Variants in ATXN10 observed in about 807,000 individuals in gnomAD.
ATXN10 encodes the protein ataxin 10.
ATXN10 carries 28 observed loss-of-function variants against 52.9 expected under a neutral mutation model. The ratio of observed to expected loss-of-function variants is 0.53; its 90% CI spans 0.39 to 0.73. The LOEUF (loss-of-function observed/expected upper bound fraction) is 0.73, where lower values mean the gene tolerates loss of function less well. ATXN10 is among the 30% of genes least tolerant of loss of function. The pLI is 0.00. For synonymous variants in ATXN10, 226 were observed against 221.5 expected, an observed-to-expected ratio of 1.02 and a Z score of -0.18; for missense variants, 565 against 577.0, an observed-to-expected ratio of 0.98 and a Z score of 0.21.
intron 9 of ATXN10, among the ~76,000 whole-genome samples, chr22:45,749,400 A>G (rs1925860063): frequency 6.6e-6 from 1 of 152,134 alleles, no homozygotes; most frequent in African/African-American, 2.4e-5. Flanking sequence ...ACAAAAGAAG[A>G]TGTTTGAGAC....
chr22:45,709,386 C>T (rs558030211), intron 5 of ATXN10, among the ~76,000 whole-genome samples: 99 of 152,306 alleles, frequency 6.5e-4, no homozygotes, highest in Non-Finnish European at 1.2e-3. Context: ...GGTTTATGCA[C>T]ATAAAGGGAT....
In ATXN10 at chr22:45,696,679, A is replaced by G. The variant is rs1470025769; in HGVS notation, c.391+3601A>G. Among the ~76,000 whole-genome samples the G allele has an allele frequency of 6.6e-6, 1 of 152,122 alleles. No individual in the cohort carries two copies. Among genetic ancestry groups the G allele is most frequent in the Non-Finnish European group, 1.5e-5 (1 of 68,008 alleles). ...TTTAAAAATATCTTCTTTTGACTCC[A>G]TGTCCCCGTCAGTCCAGTATCTCGT... is the stretch of plus-strand genomic sequence containing the variant. On this transcript the variant is annotated intron_variant, in intron 3 of 11. Coordinates refer to ENST00000252934, the MANE Select transcript of ATXN10 (RefSeq NM_013236.4). The surrounding 1 kb of genome is among the most constrained non-coding windows in gnomAD (Gnocchi z 4.7).
rs1421680445 is a variant in ATXN10, at chr22:45,828,445, A to G, written c.1238-14546A>G. Among the ~76,000 whole-genome samples, 3 of 152,138 alleles carry G rather than the reference A, an allele frequency of 2.0e-5. No homozygotes were observed. The highest frequency in any genetic ancestry group is 4.4e-5 in the Non-Finnish European group (3 of 68,012). ...ATAAAACAAACTAGAGAATAGAAAA[A>G]TAATAGAGAAAATTATGAAAACAGA... is the stretch of plus-strand genomic sequence containing the variant. On this transcript the variant is annotated intron_variant, in intron 10 of 11. Transcript: ENST00000252934. This position sits in a 1 kb window ranked among gnomAD's most constrained non-coding sequence, Gnocchi z 4.5.
chr22:45,828,334 A>G lies in ATXN10; in HGVS notation c.1238-14657A>G, dbSNP rs1928884287. Among the ~76,000 whole-genome samples the G allele has an allele frequency of 6.6e-6, 1 of 152,156 alleles. No homozygotes were observed. Among genetic ancestry groups the G allele is most frequent in the East Asian group, 1.9e-4 (1 of 5,204 alleles). ...TAGCTATAAATGCTTACATTAAAAA[A>G]TAAGAAAGTTCAAAGAACTAGATAA... is the stretch of plus-strand genomic sequence containing the variant. On this transcript the variant is annotated intron_variant, in intron 10 of 11. Transcript: ENST00000252934. This position sits in a 1 kb window ranked among gnomAD's most constrained non-coding sequence, Gnocchi z 4.5.
chr22:45,762,002 T>G lies in ATXN10; in HGVS notation c.1173+21464T>G, dbSNP rs183973613. On this transcript the variant is annotated intron_variant, in intron 9 of 11. Transcript: ENST00000252934. The surrounding 1 kb of genome is among the most constrained non-coding windows in gnomAD (Gnocchi z 4.3). ...ACCATATTCGCCTTTAAGAGCCTTC[T>G]GACTCCCAGGTTTTCTGATTTTTAA... Among the ~76,000 whole-genome samples the G allele has an allele frequency of 1.9e-3, 292 of 152,376 alleles. 2 individuals are homozygous for G. The highest frequency in any genetic ancestry group is 6.5e-3 in the African/African-American group (270 of 41,598).
In ATXN10 at chr22:45,823,311, T is replaced by C. The variant is rs1375002607; in HGVS notation, c.1237+16289T>C. On this transcript the variant is annotated intron_variant, in intron 10 of 11. Transcript: ENST00000252934. This position sits in a 1 kb window ranked among gnomAD's most constrained non-coding sequence, Gnocchi z 4.9. The stretch of plus-strand genomic sequence containing the variant: ...TCTTTCCTTCTATGTTTAGTGATTT[T>C]TGTGTCTCTGAGGTCTGAGGTCATA... The C allele has an allele frequency of 4.7e-6, 2 of 428,496 alleles. No individual in the cohort carries two copies. Among genetic ancestry groups the C allele is most frequent in the Non-Finnish European group, 9.6e-6 (2 of 209,108 alleles). 26.5% of individuals were successfully genotyped at this position (428,496 alleles called of 1,614,324 possible). A position where few individuals can be genotyped will look rare whatever the true frequency, so the allele number is the denominator to read the frequency against.
At chr22:45,838,453 A>G (rs1187295950) in intron 10 of ATXN10, among the ~76,000 whole-genome samples, 1 of 152,242 alleles carries the variant, frequency 6.6e-6, no homozygotes, top group Non-Finnish European at 1.5e-5. Flanking sequence ...TTTTGCAACA[A>G]ACAGGCTCAT....
intron 9 of ATXN10, among the ~76,000 whole-genome samples, chr22:45,753,587 A>G (rs1926070133): frequency 6.6e-6 from 1 of 151,448 alleles, no homozygotes. Context: ...TTGTATTTTT[A>G]GTAGAGATGC....
At chr22:45,796,811 T>G (rs1927757849) in intron 9 of ATXN10, among the ~76,000 whole-genome samples, 1 of 152,198 alleles carries the variant, frequency 6.6e-6, no homozygotes, top group African/African-American at 2.4e-5. Flanking sequence ...TACTGGATTT[T>G]GAAAGGCAAG....
chr22:45,779,411 C>G (rs891174995), intron 9 of ATXN10, among the ~76,000 whole-genome samples: 3 of 152,150 alleles, frequency 2.0e-5, no homozygotes, highest in African/African-American at 7.2e-5. Flanking sequence ...GACTATAATT[C>G]AGAAGACTAA....
At position 45,733,340 on chromosome 22, in the gene ATXN10, G is replaced by T. The variant is rs1209002972; in HGVS notation, c.894+3750G>T. On this transcript the variant is annotated intron_variant, in intron 7 of 11. Transcript: ENST00000252934. The surrounding 1 kb of genome is among the most constrained non-coding windows in gnomAD (Gnocchi z 4.4). Reference sequence around the variant, plus strand: ...TAATACATATTCTACAATAAATAGTGTATTTTTTCCACATATTAAGGGCTT... The same window carrying T: ...TAATACATATTCTACAATAAATAGTTTATTTTTTCCACATATTAAGGGCTT... 6.6e-6 allele frequency among the ~76,000 whole-genome samples: 1 copy of T among 152,126 alleles called. No homozygotes were observed. Among genetic ancestry groups the T allele is most frequent in the East Asian group, 1.9e-4 (1 of 5,190 alleles).
In ATXN10 at chr22:45,696,926, T is replaced by G. The variant is rs1923631326; in HGVS notation, c.392-3356T>G. Among the ~76,000 whole-genome samples the G allele has an allele frequency of 6.6e-6, 1 of 152,230 alleles. No homozygotes were observed. The highest frequency in any genetic ancestry group is 6.5e-5 in the Admixed American group (1 of 15,284). On this transcript the variant is annotated intron_variant, in intron 3 of 11. Coordinates refer to ENST00000252934, the MANE Select transcript of ATXN10 (RefSeq NM_013236.4). This position sits in a 1 kb window ranked among gnomAD's most constrained non-coding sequence, Gnocchi z 4.7. ...TGTTAGCTTGGCTATTCACTCATATTCACTAGGCAGAGAGGGCAGATTCTT... is the reference window on the plus strand; with the variant it reads ...TGTTAGCTTGGCTATTCACTCATATGCACTAGGCAGAGAGGGCAGATTCTT...
At chr22:45,709,132 A>G (rs1466471608) in intron 5 of ATXN10, among the ~76,000 whole-genome samples, 1 of 152,194 alleles carries the variant, frequency 6.6e-6, no homozygotes, top group Non-Finnish European at 1.5e-5. Flanking sequence ...AGGAAGATAA[A>G]CATAATTGTC....
intron 1 of ATXN10, chr22:45,675,744 T>A (rs1429147939): frequency 6.6e-6 from 1 of 152,242 alleles, no homozygotes; most frequent in Admixed American, 6.5e-5. Flanking sequence ...AATGCTAAAT[T>A]TTGGGCTAAT....
intron 9 of ATXN10, among the ~76,000 whole-genome samples, chr22:45,796,897 T>C (rs1173817858): frequency 6.6e-6 from 1 of 152,196 alleles, no homozygotes; most frequent in Non-Finnish European, 1.5e-5. Flanking sequence ...AAGAATGATA[T>C]ACCATGTAAA....
chr22:45,737,690 C>T (rs896143104), intron 7 of ATXN10, among the ~76,000 whole-genome samples: 3 of 123,230 alleles, frequency 2.4e-5, no homozygotes, highest in African/African-American at 6.2e-5. Flanking sequence ...AATGTTATCT[C>T]TTTTTTTTTT....
intron 7 of ATXN10, among the ~76,000 whole-genome samples, chr22:45,737,311 T>C (rs562781563): frequency 2.6e-5 from 4 of 152,330 alleles, no homozygotes; most frequent in African/African-American, 9.6e-5. Context: ...GGGTTACCTT[T>C]TGCATGGGCT....
chr22:45,752,416 C>T (rs548760749), intron 9 of ATXN10, among the ~76,000 whole-genome samples: 1 of 152,272 alleles, frequency 6.6e-6, no homozygotes, highest in South Asian at 2.1e-4. Flanking sequence ...CAGGAAGAAC[C>T]TCCTGGATCC....
chr22:45,827,236 AAAG>A (rs1279844601), intron 10 of ATXN10, among the ~76,000 whole-genome samples: 8 of 151,690 alleles, frequency 5.3e-5, no homozygotes, highest in South Asian at 2.1e-4. Flanking sequence ...CAAAAAATAA[AAAG>A]AAGACAATAA....
Sources: allele counts gnomAD v4.1 joint callset (sites outside exome capture counted in the v4.1 genomes callset), GRCh38; gene constraint gnomAD v4.1.1; non-coding constraint Gnocchi (gnomAD v3.1); transcripts MANE v1.5; gene names NCBI Gene and HGNC (gene_info 2026-07-23, HGNC 2026-07-21).